The following SIPA1L3 variants were observed in gnomAD, a reference collection of about 807,000 sequenced individuals.
SIPA1L3 encodes the protein signal induced proliferation associated 1 like 3.
A neutral mutation model predicts 150.1 loss-of-function variants in SIPA1L3; 59 were observed. That is an observed-to-expected ratio of 0.39 (90% CI 0.32 to 0.49). The LOEUF (loss-of-function observed/expected upper bound fraction) is 0.49. Ranked by LOEUF, SIPA1L3 falls within the 20% of genes least tolerant of loss-of-function variation. The pLI is 0.86. For synonymous variants in SIPA1L3, 1,070 were observed against 1,077.6 expected, an observed-to-expected ratio of 0.99 and a Z score of 0.14; for missense variants, 2,211 against 2,489.5, an observed-to-expected ratio of 0.89 and a Z score of 2.38.
rs1014779330 is a variant in SIPA1L3 at position 38,208,180 on chromosome 19, A to G, written c.*1940A>G. 2 of 151,642 alleles carry G rather than the reference A, an allele frequency of 1.3e-5. No homozygotes were observed. Among genetic ancestry groups the G allele is most frequent in the African/African-American group, 4.9e-5 (2 of 41,158 alleles). 9.4% of individuals were successfully genotyped at this position (151,642 alleles called of 1,614,324 possible). ...TAAGGATTTCTGCAAAAACAGATCT[A>G]TTTAATTTGAGGTTGATGTTCTATC... On this transcript the variant is annotated 3_prime_UTR_variant, in exon 22 of 22. Coordinates refer to ENST00000222345, the MANE Select transcript of SIPA1L3 (RefSeq NM_015073.3).
intron 2 of SIPA1L3, among the ~76,000 whole-genome samples, chr19:38,074,538 TGACCTGGGATCTGGTGCCCAGCACAGCG>T (rs1238660452): frequency 1.3e-5 from 2 of 152,238 alleles, no homozygotes; most frequent in Non-Finnish European, 2.9e-5. Context: ...CATCCCAGCT[TGACCTGGGATCTGGTGCCCAGCACAGCG>T]GACTGTGGGG....
intron 4 of SIPA1L3, among the ~76,000 whole-genome samples, chr19:38,094,295 C>T (rs1970329317): frequency 1.3e-5 from 2 of 152,138 alleles, no homozygotes; most frequent in Non-Finnish European, 2.9e-5. Flanking sequence ...GTCCCCTGGG[C>T]TGAAGTGCAA....
intron 2 of SIPA1L3, among the ~76,000 whole-genome samples, chr19:38,031,819 G>A (rs1489983009): frequency 6.6e-6 from 1 of 152,192 alleles, no homozygotes; most frequent in African/African-American, 2.4e-5. Flanking sequence ...GTGTGGTGGT[G>A]CACACCTGTA....
intron 2 of SIPA1L3, among the ~76,000 whole-genome samples, chr19:38,039,683 G>A: frequency 9.6e-6 from 1 of 103,646 alleles, no homozygotes; most frequent in Non-Finnish European, 1.7e-5. Flanking sequence ...AACAGAGCAA[G>A]ACTCTGTCTC....
intron 1 of SIPA1L3, among the ~76,000 whole-genome samples, chr19:37,975,073 A>T (rs1967042955): frequency 6.6e-6 from 1 of 152,076 alleles, no homozygotes; most frequent in East Asian, 1.9e-4. Context: ...TGCCTACCAG[A>T]CTCCAGATCT....
At chr19:38,206,054 G>A (rs113043177) in intron 21 of SIPA1L3, 43 bp from the exon 22 acceptor site, 106 of 1,501,600 alleles carry the variant, frequency 7.1e-5, no homozygotes, top group African/African-American at 6.1e-4. Flanking sequence ...TTCCAGGAGC[G>A]GCCAAGCCCA....
In SIPA1L3 at chr19:38,181,877, G is replaced by A. The variant is rs373407722; in HGVS notation, c.4209-642G>A. ...AAAAAAAAAAAAGGTTAAGGGCCAG[G>A]CCCAGTGGCTCATCCTGTAATCCCA... On this transcript the variant is annotated intron_variant, in intron 15 of 21. Transcript: ENST00000222345. Among the ~76,000 whole-genome samples, 5 of 149,758 alleles carry A rather than the reference G, an allele frequency of 3.3e-5. No individual in the cohort carries two copies. In the East Asian group the frequency reaches 9.9e-4, roughly 30 times the overall value.
At chr19:38,029,619 A>G (rs911136810) in intron 2 of SIPA1L3, among the ~76,000 whole-genome samples, 8 of 152,082 alleles carry the variant, frequency 5.3e-5, no homozygotes, top group Non-Finnish European at 1.0e-4. Context: ...TTGTTTTGAG[A>G]TGGAGTTTCA....
chr19:37,960,661 C>G (rs982199721), intron 1 of SIPA1L3, among the ~76,000 whole-genome samples: 2 of 152,050 alleles, frequency 1.3e-5, no homozygotes, highest in African/African-American at 4.8e-5. Flanking sequence ...CCTGCCTTGG[C>G]CTCCCAAAGT....
chr19:37,982,015 G>A (rs534145004), intron 1 of SIPA1L3, among the ~76,000 whole-genome samples: 1 of 152,166 alleles, frequency 6.6e-6, no homozygotes, highest in Non-Finnish European at 1.5e-5. Context: ...AGCATCTTAC[G>A]CATGTCCACG....
intron 1 of SIPA1L3, among the ~76,000 whole-genome samples, chr19:38,003,330 A>G (rs1967857315): frequency 6.6e-6 from 1 of 152,182 alleles, no homozygotes; most frequent in Admixed American, 6.5e-5. Context: ...CGTGCTCTGA[A>G]GAAGAATGGG....
At chr19:38,177,623 A>G (rs1011887919) in intron 15 of SIPA1L3, among the ~76,000 whole-genome samples, 4 of 152,208 alleles carry the variant, frequency 2.6e-5, no homozygotes, top group Non-Finnish European at 5.9e-5. Flanking sequence ...AATACACAGA[A>G]TCATGTTTTA....
chr19:38,062,606 T>TTTA (rs1207825635), intron 2 of SIPA1L3, among the ~76,000 whole-genome samples: 6 of 136,066 alleles, frequency 4.4e-5, no homozygotes, highest in Admixed American at 7.2e-5. Flanking sequence ...TTGCTCTCAT[T>TTTA]TTATTATTAT....
intron 2 of SIPA1L3, among the ~76,000 whole-genome samples, chr19:38,054,750 T>G (rs1047473880): frequency 6.7e-5 from 10 of 148,962 alleles, no homozygotes; most frequent in African/African-American, 2.5e-4. Flanking sequence ...TGGCACTAAC[T>G]GGACAGCATG....
chr19:37,927,671 GT>G (rs1468180363), intron 1 of SIPA1L3, among the ~76,000 whole-genome samples: 57 of 150,056 alleles, frequency 3.8e-4, no homozygotes, highest in East Asian at 7.8e-4. Context: ...GTGTGTGTGT[GT>G]GTGTGTGTGT....
intron 1 of SIPA1L3, among the ~76,000 whole-genome samples, chr19:37,949,419 A>G (rs867274393): frequency 1.4e-4 from 22 of 152,132 alleles, no homozygotes; most frequent in African/African-American, 5.1e-4. Flanking sequence ...TAATTTCAGC[A>G]CTTTGGGAGG....
chr19:37,934,775 C>A (rs1307874542), intron 1 of SIPA1L3, among the ~76,000 whole-genome samples: 1 of 151,252 alleles, frequency 6.6e-6, no homozygotes, highest in Non-Finnish European at 1.5e-5. Flanking sequence ...GTTATATAAT[C>A]CTATAGGAGA....
Position 38,182,546 on chromosome 19 carries a change from C to A in SIPA1L3, c.4236C>A (p.Pro1412=). 6.2e-7 allele frequency: 1 copy of A among 1,613,510 alleles called. No individual in the cohort carries two copies. Among genetic ancestry groups the A allele is most frequent in the Non-Finnish European group, 8.5e-7 (1 of 1,179,624 alleles). The change falls in exon 16 of 22, where the codon CCC becomes CCA. Residue 1412 remains proline, a synonymous_variant. Coordinates refer to ENST00000222345, the MANE Select transcript of SIPA1L3 (RefSeq NM_015073.3). ...PSDMGSRVGY[P]AQVYKTASAE... Reference sequence around the variant, plus strand: ...ACATGGGCTCGAGGGTTGGCTACCCCGCTCAGGTTTACAAAACTGCCAGTG... The same window carrying A: ...ACATGGGCTCGAGGGTTGGCTACCCAGCTCAGGTTTACAAAACTGCCAGTG...
chr19:38,055,302 A>G (rs1319385940), intron 2 of SIPA1L3, among the ~76,000 whole-genome samples: 2 of 152,194 alleles, frequency 1.3e-5, no homozygotes, highest in African/African-American at 4.8e-5. Flanking sequence ...GGGTGCAGGG[A>G]CAGGGAGCAG....
Sources: gnomAD v4.1 joint callset for allele counts (sites outside exome capture counted in the v4.1 genomes callset) on GRCh38, gnomAD v4.1.1 for gene constraint, MANE v1.5 for transcripts, NCBI Gene and HGNC (gene_info 2026-07-23, HGNC 2026-07-21) for gene names.